C1GALT1: variants seen among roughly 807,000 people sequenced by gnomAD.
C1GALT1 encodes core 1 synthase, glycoprotein-N-acetylgalactosamine 3-beta-galactosyltransferase 1, also known as glycoprotein-N-acetylgalactosamine 3-beta-galactosyltransferase 1.
A neutral mutation model predicts 31.0 loss-of-function variants in C1GALT1; 11 were observed. That is an observed-to-expected ratio of 0.36 (90% CI 0.22 to 0.59). The LOEUF is 0.59. Ranked by LOEUF, C1GALT1 falls within the 20% of genes least tolerant of loss-of-function variation. C1GALT1 has a pLI of 0.79. For synonymous variants in C1GALT1, 175 were observed against 143.6 expected (o/e 1.22, Z -1.56); for missense variants, 424 against 425.2 (o/e 1.00, Z 0.03).
At chr7:7,162,513 C>T (rs1205293994) in intron 2 of C1GALT1, among the ~76,000 whole-genome samples, 2 of 151,608 alleles carry the variant, frequency 1.3e-5, no homozygotes, top group Non-Finnish European at 2.9e-5. Flanking sequence ...TCCAGTCTAT[C>T]ATTGTTGGAC....
chr7:7,170,245 T>G (rs1164733939), intron 2 of C1GALT1, among the ~76,000 whole-genome samples: 1 of 152,218 alleles, frequency 6.6e-6, no homozygotes, highest in Non-Finnish European at 1.5e-5. Context: ...AATTTTGGTT[T>G]TACTGATTCT....
chr7:7,171,866 A>G (rs1004092831), intron 2 of C1GALT1, among the ~76,000 whole-genome samples: 6 of 152,296 alleles, frequency 3.9e-5, no homozygotes, highest in Middle Eastern at 3.4e-3. Context: ...CTATACTACT[A>G]TACATCTTTA....
Position 7,176,428 on chromosome 7 carries a change from A to G in C1GALT1, c.-18+19002A>G, listed in dbSNP as rs144945634. On this transcript the variant is annotated intron_variant, in intron 2 of 3. Transcript: ENST00000429911. ...TAAAGAAACTTCAACTATTTCACTT[A>G]CAACAAATGTTTCTGCTTCTGTTTC... Among the ~76,000 whole-genome samples, 10 of 152,354 alleles carry G rather than the reference A, an allele frequency of 6.6e-5. 1 individual carries two copies. The East Asian group carries it at 1.9e-3, about 29-fold the overall frequency.
At chr7:7,197,270 T>G (rs975526126) in intron 1 of C1GALT1, among the ~76,000 whole-genome samples, 2 of 125,916 alleles carry the variant, frequency 1.6e-5, no homozygotes, top group African/African-American at 6.7e-5. Context: ...GGCTAGCCAG[T>G]TTTCCCAGCA....
intron 2 of C1GALT1, among the ~76,000 whole-genome samples, chr7:7,161,319 C>T (rs1367152734): frequency 6.6e-6 from 1 of 152,118 alleles, no homozygotes; most frequent in Admixed American, 6.6e-5. Context: ...CTTAGTCTAA[C>T]TTCTTTACTT....
chr7:7,162,225 A>G (rs907678926), intron 2 of C1GALT1, among the ~76,000 whole-genome samples: 5 of 148,504 alleles, frequency 3.4e-5, no homozygotes, highest in African/African-American at 1.2e-4. Context: ...TTAACTTGTC[A>G]TGTAGCATTA....
chr7:7,212,626 G>A, intron 1 of C1GALT1, among the ~76,000 whole-genome samples: 1 of 152,138 alleles, frequency 6.6e-6, no homozygotes, highest in East Asian at 1.9e-4. Context: ...TCAGAGAAAG[G>A]AGTCATTGAA....
intron 1 of C1GALT1, among the ~76,000 whole-genome samples, chr7:7,213,879 A>G (rs1005449476): frequency 2.0e-5 from 3 of 152,068 alleles, no homozygotes; most frequent in Non-Finnish European, 2.9e-5. Context: ...TGAAAAGAAC[A>G]TATAAATATC....
At chr7:7,162,741 A>G (rs1353882425) in intron 2 of C1GALT1, among the ~76,000 whole-genome samples, 1 of 151,972 alleles carries the variant, frequency 6.6e-6, no homozygotes, top group Non-Finnish European at 1.5e-5. Context: ...AACAGTGTAA[A>G]AGTGTTCCTA....
intron 2 of C1GALT1, among the ~76,000 whole-genome samples, chr7:7,160,421 G>A (rs1191368248): frequency 1.3e-5 from 2 of 152,238 alleles, no homozygotes; most frequent in Admixed American, 6.6e-5. Flanking sequence ...TACCTTGATT[G>A]ACAGTGTTCT....
chr7:7,181,796 G>C (rs740534), upstream of C1GALT1, among the ~76,000 whole-genome samples: 49,212 of 151,954 alleles, frequency 0.32, 8,967 homozygotes, highest in East Asian at 0.74. Flanking sequence ...GTAGATAATG[G>C]TTAACGCCAG....
At chr7:7,222,910 G>GTTTTGTTTT (rs35730541) in intron 1 of C1GALT1, among the ~76,000 whole-genome samples, 1 of 150,756 alleles carries the variant, frequency 6.6e-6, no homozygotes. Flanking sequence ...GTTTTTTTTT[G>GTTTTGTTTT]GTTTTATGCT....
At chr7:7,174,528 G>A (rs534259682) in intron 2 of C1GALT1, among the ~76,000 whole-genome samples, 5 of 152,088 alleles carry the variant, frequency 3.3e-5, no homozygotes, top group East Asian at 1.9e-4. Flanking sequence ...AGGATTACAA[G>A]CTCAGGAATT....
chr7:7,195,498 A>G (rs191040741), intron 1 of C1GALT1, among the ~76,000 whole-genome samples: 4,989 of 152,102 alleles, frequency 0.033, 176 homozygotes, highest in African/African-American at 0.091. Context: ...TTCCTTTTGG[A>G]GTTGATTTCC....
chr7:7,213,536 C>G (rs1196365235), intron 1 of C1GALT1, among the ~76,000 whole-genome samples: 1 of 152,064 alleles, frequency 6.6e-6, no homozygotes. Flanking sequence ...TTTCAGGGGC[C>G]CTCTGAGCCA....
chr7:7,196,423 A>G (rs1044161694), intron 1 of C1GALT1, among the ~76,000 whole-genome samples: 2 of 152,142 alleles, frequency 1.3e-5, no homozygotes, highest in African/African-American at 2.4e-5. Flanking sequence ...ATAGTATTCC[A>G]TGGTGTGTAT....
intron 1 of C1GALT1, among the ~76,000 whole-genome samples, chr7:7,191,339 ATACTAT>A (rs1781062323): frequency 6.6e-6 from 1 of 152,160 alleles, no homozygotes; most frequent in Non-Finnish European, 1.5e-5. Flanking sequence ...TCAAGGCTGA[ATACTAT>A]TCCATTGTAT....
At chr7:7,198,260 C>T (rs1170595770) in intron 1 of C1GALT1, among the ~76,000 whole-genome samples, 4 of 152,192 alleles carry the variant, frequency 2.6e-5, no homozygotes, top group South Asian at 2.1e-4. Flanking sequence ...TGAATTTTGT[C>T]GAAGGCCTTT....
intron 1 of C1GALT1, among the ~76,000 whole-genome samples, chr7:7,220,993 T>TCAAA (rs1205418829): frequency 8.4e-6 from 1 of 118,916 alleles, no homozygotes; most frequent in Admixed American, 8.2e-5. Context: ...TTCCTCTCTC[T>TCAAA]GAAAGTTTGC....
Sources: allele counts gnomAD v4.1 joint callset (sites outside exome capture counted in the v4.1 genomes callset), GRCh38; gene constraint gnomAD v4.1.1; transcripts MANE v1.5; gene names NCBI Gene and HGNC (gene_info 2026-07-23, HGNC 2026-07-21).